The following HEATR4 variants were observed in gnomAD, a reference collection of about 807,000 sequenced individuals.
HEATR4 encodes the protein HEAT repeat-containing protein 4.
HEATR4 carries 95 observed loss-of-function variants against 108.8 expected under a neutral mutation model. That is an observed-to-expected ratio of 0.87 (90% CI 0.74 to 1.04). The LOEUF is 1.04. HEATR4 is among the 50% of genes least tolerant of loss of function. HEATR4 has a pLI of 0.00. For synonymous variants in HEATR4, 443 were observed against 459.4 expected (o/e 0.96, Z 0.46); for missense variants, 1,152 against 1,253.8 (o/e 0.92, Z 1.23).
chr14:73,495,317 A>T lies in HEATR4; in HGVS notation c.2696T>A (p.Val899Glu). Residue 899 changes from valine to glutamate, a missense_variant, in exon 16 of 18, where the codon GTG becomes GAG. Coordinates refer to ENST00000553558, the MANE Select transcript of HEATR4 (RefSeq NM_001220484.1). ...GTAAACACGTTTTGCTTCCTCCCTC[A>T]CTTTTCCCATGACCATCTCCAGCTT... Reference protein sequence around the residue: ...ILKLEMVMGKVREEAKRVYLK... With the variant: ...ILKLEMVMGKEREEAKRVYLK... The T allele has an allele frequency of 1.2e-6, 2 of 1,613,892 alleles. No homozygotes were observed. The highest frequency in any genetic ancestry group is 1.1e-5 in the South Asian group (1 of 91,078).
chr14:73,578,369 G>A, the HEATR4 span, among the ~76,000 whole-genome samples: 2 of 149,416 alleles, frequency 1.3e-5, no homozygotes, highest in Non-Finnish European at 3.0e-5. Context: ...AGCTGGGACT[G>A]CAGACACATG....
the HEATR4 span, among the ~76,000 whole-genome samples, chr14:73,606,812 C>A: frequency 3.2e-4 from 48 of 152,146 alleles, no homozygotes; most frequent in East Asian, 8.1e-3. Context: ...GTGATCTTAG[C>A]TACTGAGCTA....
intron 17 of HEATR4, among the ~76,000 whole-genome samples, chr14:73,480,310 A>G (rs913070209): frequency 6.6e-6 from 1 of 152,040 alleles, no homozygotes; most frequent in African/African-American, 2.4e-5. Context: ...GGCATGGCGC[A>G]GATGCCTGTA....
At chr14:73,525,953 T>TA (rs59834256) in intron 2 of HEATR4, among the ~76,000 whole-genome samples, 6,007 of 144,586 alleles carry the variant, frequency 0.042, 156 homozygotes, top group Middle Eastern at 0.085. Flanking sequence ...ACTCCTTATT[T>TA]AAAAAAAAAA....
At position 73,533,414 on chromosome 14, in the gene HEATR4, C is replaced by G. The variant is rs1401914340; in HGVS notation, c.-151-3170G>C. Among the ~76,000 whole-genome samples, 2 of 115,892 alleles carry G rather than the reference C, an allele frequency of 1.7e-5. 1 individual carries two copies. The highest frequency in any genetic ancestry group is 5.5e-4 in the South Asian group (2 of 3,646). 76.0% of individuals were successfully genotyped at this position (115,892 alleles called of 152,430 possible). The stretch of plus-strand genomic sequence containing the variant: ...ATGAAATGGGCCAGGCGTGGTGGCT[C>G]AGGCCTGTAATCCCAGCACTTTGGG... On this transcript the variant is annotated intron_variant, in intron 1 of 17. Transcript: ENST00000553558.
the HEATR4 span, among the ~76,000 whole-genome samples, chr14:73,565,495 CT>C: frequency 6.6e-6 from 1 of 151,052 alleles, no homozygotes; most frequent in South Asian, 2.1e-4. Flanking sequence ...GATTCTTGGT[CT>C]CACTGACTTC....
At chr14:73,624,750 T>G in the HEATR4 span, among the ~76,000 whole-genome samples, 2 of 152,234 alleles carry the variant, frequency 1.3e-5, no homozygotes, top group Non-Finnish European at 2.9e-5. Context: ...TAGTAAGTAG[T>G]GCAGCCTGGG....
At chr14:73,585,362 C>T in the HEATR4 span, among the ~76,000 whole-genome samples, 1 of 152,098 alleles carries the variant, frequency 6.6e-6, no homozygotes, top group Non-Finnish European at 1.5e-5. Flanking sequence ...CTTCTTCTCC[C>T]CCAGGTGCCA....
In HEATR4 at chr14:73,535,469, C is replaced by CTTTTTTTTTTTTTTTTT. The variant is rs869167008; in HGVS notation, c.-151-5242_-151-5226dup. Among the ~76,000 whole-genome samples the CTTTTTTTTTTTTTTTTT allele has an allele frequency of 1.5e-3, 24 of 16,534 alleles. 3 individuals are homozygous for CTTTTTTTTTTTTTTTTT. The highest frequency in any genetic ancestry group is 5.8e-3 in the Non-Finnish European group (21 of 3,616). 10.8% of individuals were successfully genotyped at this position (16,534 alleles called of 152,430 possible). A position where few individuals can be genotyped will look rare whatever the true frequency, so the allele number is the denominator to read the frequency against. On this transcript the variant is annotated intron_variant, in intron 1 of 17. Coordinates refer to ENST00000553558, the MANE Select transcript of HEATR4 (RefSeq NM_001220484.1). ...CCTTTTTCTTTTCTTTTTCTTCTTT[C>CTTTTTTTTTTTTTTTTT]TTTTTTTTTTTTTTTTTTTTTTTTT...
chr14:73,523,586 G>A (rs971958482), intron 2 of HEATR4, among the ~76,000 whole-genome samples: 6 of 152,186 alleles, frequency 3.9e-5, no homozygotes, highest in African/African-American at 1.4e-4. Context: ...TTCTCCATGA[G>A]TTTGGCCTCA....
chr14:73,564,818 A>G, the HEATR4 span, among the ~76,000 whole-genome samples: 2 of 142,188 alleles, frequency 1.4e-5, no homozygotes, highest in African/African-American at 5.3e-5. Context: ...TCTCCTGCCT[A>G]GGACTCCCTC....
At chr14:73,577,267 G>A in the HEATR4 span, among the ~76,000 whole-genome samples, 2 of 145,004 alleles carry the variant, frequency 1.4e-5, no homozygotes, top group South Asian at 2.3e-4. Flanking sequence ...TCATGGTTTT[G>A]TAGCAGTAGA....
chr14:73,632,995 CT>C, the HEATR4 span, among the ~76,000 whole-genome samples: 1 of 128,868 alleles, frequency 7.8e-6, no homozygotes, highest in Non-Finnish European at 1.6e-5. Context: ...AGCTTTCTCT[CT>C]CTCTCTCTCT....
At chr14:73,592,425 G>C in the HEATR4 span, 1 of 1,501,058 alleles carries the variant, frequency 6.7e-7, no homozygotes, top group Non-Finnish European at 8.8e-7. Context: ...AGGTGAGCCA[G>C]GCTGCTGGCG....
At chr14:73,591,524 C>T in the HEATR4 span, among the ~76,000 whole-genome samples, 3 of 150,566 alleles carry the variant, frequency 2.0e-5, no homozygotes, top group African/African-American at 4.9e-5. Context: ...GCCTGGGCGA[C>T]AGAGGAGACT....
At chr14:73,524,310 A>AAAAAAAAAAAAATATATATATATAT in intron 2 of HEATR4, among the ~76,000 whole-genome samples, 4 of 54,778 alleles carry the variant, frequency 7.3e-5, no homozygotes, top group African/African-American at 1.8e-4. Context: ...AAAAAAAAAA[A>AAAAAAAAAAAAATATATATATATAT]ATATATATAT....
rs576773567 is a variant in HEATR4 at position 73,523,119 on chromosome 14, G to A, written c.34C>T (p.Pro12Ser). ...TRTQKGKTFL[P>S]HCFYQSLPPR... ...GGCAGTGACTGATAGAAGCAATGGG[G>A]GAGAAAGGTCTTTCCCTTCTGGGTC... The change falls in exon 3 of 18, where the codon CCC becomes TCC. Residue 12 changes from proline (P) to serine (S), a missense_variant. Pro to Ser is a moderately conservative substitution (Grantham distance 74). Coordinates refer to ENST00000553558, the MANE Select transcript of HEATR4 (RefSeq NM_001220484.1). The A allele has an allele frequency of 4.6e-5, 74 of 1,606,342 alleles. No homozygotes were observed. The East Asian group carries it at 1.6e-3, about 34-fold the overall frequency.
the HEATR4 span, among the ~76,000 whole-genome samples, chr14:73,591,541 C>CA: frequency 4.5e-3 from 634 of 139,754 alleles, 3 homozygotes; most frequent in African/African-American, 0.013. Flanking sequence ...GACTCTGTTT[C>CA]AAAAAAAAAA....
upstream of HEATR4, among the ~76,000 whole-genome samples, chr14:73,561,641 A>C (rs1889532636): frequency 6.6e-6 from 1 of 151,656 alleles, no homozygotes; most frequent in Non-Finnish European, 1.5e-5. Flanking sequence ...GCAAGATTGC[A>C]CCACTCCACC....
Sources: gnomAD v4.1 joint callset for allele counts (sites outside exome capture counted in the v4.1 genomes callset) on GRCh38, gnomAD v4.1.1 for gene constraint, MANE v1.5 for transcripts, NCBI Gene and HGNC (gene_info 2026-07-23, HGNC 2026-07-21) for gene names.